The following ADGRL3 variants were observed in gnomAD, a reference collection of about 807,000 sequenced individuals.
ADGRL3 encodes the protein adhesion G protein-coupled receptor L3.
ADGRL3 carries 62 observed loss-of-function variants against 153.5 expected under a neutral mutation model. The ratio of observed to expected loss-of-function variants is 0.40; its 90% confidence interval spans 0.33 to 0.50. The LOEUF (loss-of-function observed/expected upper bound fraction) is 0.50. Among genes scored for constraint, ADGRL3 ranks in the 20% least tolerant of loss-of-function variants. The probability of loss-of-function intolerance (pLI) is 0.47; values close to 1 mark genes in which losing one functional copy is unlikely to be tolerated. For missense variants in ADGRL3, 1,641 were observed against 1,859.4 expected, an observed-to-expected ratio of 0.88 and a Z score of 2.16; for synonymous variants, 710 against 672.5, an observed-to-expected ratio of 1.06 and a Z score of -0.86.
intron 1 of ADGRL3, among the ~76,000 whole-genome samples, chr4:61,287,468 C>T (rs1050314488): frequency 7.2e-5 from 11 of 151,838 alleles, no homozygotes; most frequent in African/African-American, 2.4e-4. Flanking sequence ...GTGTTCGCAA[C>T]GAGGGATAAG....
chr4:61,801,200 T>G (rs2097492108), intron 8 of ADGRL3, among the ~76,000 whole-genome samples: 1 of 152,114 alleles, frequency 6.6e-6, no homozygotes, highest in African/African-American at 2.4e-5. Context: ...GATTGGTACT[T>G]GGTAAAGCCA....
At chr4:61,496,424 G>A (rs1285631953) in intron 2 of ADGRL3, among the ~76,000 whole-genome samples, 2 of 152,098 alleles carry the variant, frequency 1.3e-5, no homozygotes, top group Admixed American at 1.3e-4. Context: ...AGCACTTTGG[G>A]AGGCCGAGGC....
intron 9 of ADGRL3, among the ~76,000 whole-genome samples, chr4:61,822,092 G>A (rs2097761302): frequency 6.6e-6 from 1 of 152,148 alleles, no homozygotes; most frequent in Non-Finnish European, 1.5e-5. Flanking sequence ...AGACATTACA[G>A]GGGGAGGGAA....
chr4:61,646,389 C>T (rs1292750526), intron 5 of ADGRL3, among the ~76,000 whole-genome samples: 658 of 151,906 alleles, frequency 4.3e-3, no homozygotes, highest in African/African-American at 0.015. Flanking sequence ...AGTTTTTCTG[C>T]TCTGTTTTTT....
At chr4:61,907,137 T>G (rs754304836) in intron 11 of ADGRL3, among the ~76,000 whole-genome samples, 2 of 151,990 alleles carry the variant, frequency 1.3e-5, no homozygotes, top group Non-Finnish European at 2.9e-5. Context: ...GAATTTAGGG[T>G]GAGTCCGCAG....
rs994799774 is a variant in ADGRL3 at position 61,450,037 on chromosome 4, T to C, written c.-173-47084T>C. Reference sequence around the variant, plus strand: ...TTACAGTTGATCAGTAACCAATTTATTGAAGCCACGTTAGAATAGTAAGGG... The same window carrying C: ...TTACAGTTGATCAGTAACCAATTTACTGAAGCCACGTTAGAATAGTAAGGG... On this transcript the variant is annotated intron_variant, in intron 2 of 26. Transcript: ENST00000683033. Among the ~76,000 whole-genome samples, 3 of 152,210 alleles carry C rather than the reference T, an allele frequency of 2.0e-5. No homozygotes were observed. The South Asian group carries it at 6.2e-4, about 31-fold the overall frequency.
intron 2 of ADGRL3, chr4:61,420,574 T>C (rs1297852614): frequency 6.6e-6 from 1 of 151,518 alleles, no homozygotes; most frequent in African/African-American, 2.4e-5. Context: ...GTCCGGCTAA[T>C]TTTTTGTATT....
At chr4:61,309,549 A>C (rs922262136) in intron 1 of ADGRL3, among the ~76,000 whole-genome samples, 1 of 152,092 alleles carries the variant, frequency 6.6e-6, no homozygotes, top group African/African-American at 2.4e-5. Context: ...CTAATAAATT[A>C]TCTATAGTAT....
chr4:61,813,584 A>G (rs529414253), intron 8 of ADGRL3, among the ~76,000 whole-genome samples: 18 of 152,294 alleles, frequency 1.2e-4, no homozygotes, highest in Non-Finnish European at 1.2e-4. Context: ...TAATTTCACA[A>G]CAACAAAAAA....
At chr4:61,236,618 A>G (rs1230302760) in intron 1 of ADGRL3, among the ~76,000 whole-genome samples, 1 of 152,164 alleles carries the variant, frequency 6.6e-6, no homozygotes, top group Non-Finnish European at 1.5e-5. Flanking sequence ...AGTATGGATC[A>G]ATATGATGAT....
At chr4:61,532,533 C>T (rs549998723) in intron 4 of ADGRL3, among the ~76,000 whole-genome samples, 14 of 131,134 alleles carry the variant, frequency 1.1e-4, no homozygotes, top group African/African-American at 4.5e-4. Context: ...ATGCTGCATG[C>T]GCGCGCGCGC....
intron 5 of ADGRL3, among the ~76,000 whole-genome samples, chr4:61,647,997 C>A (rs1426865844): frequency 6.6e-6 from 1 of 152,088 alleles, no homozygotes; most frequent in Non-Finnish European, 1.5e-5. Flanking sequence ...TTACCTATAA[C>A]CACACACACA....
In ADGRL3 at chr4:61,936,210, C is replaced by G. The variant is rs562471189; in HGVS notation, c.2419+165C>G. ...TCCTCCTCTTTCTACTGTACAGCACCATCAATATTACAGTGATATTTGTTG... is the reference window on the plus strand; with the variant it reads ...TCCTCCTCTTTCTACTGTACAGCACGATCAATATTACAGTGATATTTGTTG... On this transcript the variant is annotated intron_variant, in intron 15 of 26. Transcript: ENST00000683033. Among the ~76,000 whole-genome samples, 5 of 152,122 alleles carry G rather than the reference C, an allele frequency of 3.3e-5. No homozygotes were observed. The South Asian group carries it at 1.0e-3, about 32-fold the overall frequency.
intron 1 of ADGRL3, among the ~76,000 whole-genome samples, chr4:61,288,837 A>G (rs143773590): frequency 1.0e-3 from 154 of 152,116 alleles, no homozygotes; most frequent in African/African-American, 3.5e-3. Context: ...TGAGCTTTTC[A>G]GCGGTTCTAA....
chr4:61,330,118 T>C (rs1006014768), intron 1 of ADGRL3, among the ~76,000 whole-genome samples: 2 of 152,156 alleles, frequency 1.3e-5, no homozygotes, highest in African/African-American at 4.8e-5. Flanking sequence ...CTAATTGAAG[T>C]TTTCTTTTTT....
chr4:61,440,829 A>G (rs1250859422), intron 2 of ADGRL3, among the ~76,000 whole-genome samples: 1 of 152,206 alleles, frequency 6.6e-6, no homozygotes. Context: ...CATGACACCA[A>G]CAATAATAAC....
intron 5 of ADGRL3, among the ~76,000 whole-genome samples, chr4:61,633,166 G>A (rs913267466): frequency 1.2e-4 from 18 of 146,234 alleles, no homozygotes; most frequent in South Asian, 2.2e-4. Flanking sequence ...CAACTCTAAT[G>A]CCAATTTTTC....
chr4:61,988,921 G>A (rs2099094854), intron 19 of ADGRL3, among the ~76,000 whole-genome samples: 1 of 152,096 alleles, frequency 6.6e-6, no homozygotes. Flanking sequence ...TAGCCAAGCT[G>A]TTAAAAATAA....
chr4:61,225,151 T>G (rs1475404705), intron 1 of ADGRL3, among the ~76,000 whole-genome samples: 5 of 152,182 alleles, frequency 3.3e-5, no homozygotes, highest in Admixed American at 3.3e-4. Flanking sequence ...AACCCTGGAA[T>G]TTAGTAATTT....
Sources: allele counts gnomAD v4.1 joint callset (sites outside exome capture counted in the v4.1 genomes callset), GRCh38; gene constraint gnomAD v4.1.1; transcripts MANE v1.5; gene names NCBI Gene and HGNC (gene_info 2026-07-23, HGNC 2026-07-21).